Variants in ZFR2 observed in about 807,000 individuals in gnomAD.
ZFR2 encodes zinc finger RNA-binding protein 2.
ZFR2 carries 104 observed loss-of-function variants against 105.7 expected under a neutral mutation model. The ratio of observed to expected loss-of-function variants is 0.98; its 90% CI spans 0.84 to 1.16. The LOEUF is 1.16. ZFR2 is among the 50% of genes most tolerant of loss of function. The pLI, the probability that ZFR2 is intolerant of heterozygous loss-of-function variation, is 0.00. For synonymous variants in ZFR2, 634 were observed against 597.7 expected (o/e 1.06, Z -0.89); for missense variants, 1,425 against 1,355.5 (o/e 1.05, Z -0.80).
rs1000713917 is a variant in ZFR2 at position 3,838,864 on chromosome 19, G to A, written c.54-3881C>T. Among the ~76,000 whole-genome samples, 3 of 152,204 alleles carry A rather than the reference G, an allele frequency of 2.0e-5. No individual in the cohort carries two copies. The highest frequency in any genetic ancestry group is 7.2e-5 in the African/African-American group (3 of 41,460). On this transcript the variant is annotated intron_variant, in intron 1 of 18. Transcript: ENST00000262961. This position sits in a 1 kb window ranked among gnomAD's most constrained non-coding sequence, Gnocchi z 4.9. ...CCCGATGCCCTGAGATGCAGGACCAGCTGCAGCTGCCCAGCTGTCTCCCGG... is the reference window on the plus strand; with the variant it reads ...CCCGATGCCCTGAGATGCAGGACCAACTGCAGCTGCCCAGCTGTCTCCCGG...
At chr19:3,825,517 C>T (rs967414459) in intron 6 of ZFR2, 110 bp from the exon 7 acceptor site, 35 of 1,375,876 alleles carry the variant, frequency 2.5e-5, no homozygotes, top group African/African-American at 1.6e-4. Context: ...GTGGGCTGGC[C>T]GGTCCCAGGG....
Position 3,827,453 on chromosome 19 carries a change from G to C in ZFR2, c.1035+18C>G. 6.6e-7 allele frequency: 1 copy of C among 1,517,936 alleles called. No individual in the cohort carries two copies. The highest frequency in any genetic ancestry group is 2.5e-5 in the East Asian group (1 of 40,266). 94.0% of individuals were successfully genotyped at this position (1,517,936 alleles called of 1,614,324 possible). A position where few individuals can be genotyped will look rare whatever the true frequency, so the allele number is the denominator to read the frequency against. ...CTTCTCCCCAGGGTGGCAGAGCCTGGGCCGGGCGGGGCCGTACCTTCTGGT... is the reference window on the plus strand; with the variant it reads ...CTTCTCCCCAGGGTGGCAGAGCCTGCGCCGGGCGGGGCCGTACCTTCTGGT... On this transcript the variant is annotated intron_variant, in intron 6 of 18. Transcript: ENST00000262961.
chr19:3,865,070 G>A (rs2038414571), intron 1 of ZFR2, among the ~76,000 whole-genome samples: 1 of 152,050 alleles, frequency 6.6e-6, no homozygotes, highest in Admixed American at 6.6e-5. Context: ...CTAATTAAAA[G>A]CACTGCTGCA....
At chr19:3,847,986 T>C (rs1350819004) in intron 1 of ZFR2, among the ~76,000 whole-genome samples, 8 of 152,184 alleles carry the variant, frequency 5.3e-5, no homozygotes, top group Non-Finnish European at 1.2e-4. Flanking sequence ...GCCCTCTCTT[T>C]GGTTTTGTAC....
chr19:3,834,907 C>G lies in ZFR2; in HGVS notation c.130G>C (p.Ala44Pro), dbSNP rs1464280568. Residue 44 changes from alanine (A) to proline (P), a missense_variant, in exon 2 of 19, where the codon GCC becomes CCC. Physicochemically the swap from Ala to Pro is conservative, Grantham distance 27 (BLOSUM62 -1). Transcript: ENST00000262961. This position sits in a 1 kb window ranked among gnomAD's most constrained non-coding sequence, Gnocchi z 5.3. The stretch of plus-strand genomic sequence containing the variant: ...GCTGGGGGAAAGGCCGGGTTCACGG[C>G]AGGGTCCATCCCAGGAGTGGGTTGT... ...TAQPTPGMDP[A>P]VNPAFPPAAP... 2 of 1,611,766 alleles carry G rather than the reference C, an allele frequency of 1.2e-6. No individual in the cohort carries two copies. The highest frequency in any genetic ancestry group is 1.7e-6 in the Non-Finnish European group (2 of 1,179,160).
At chr19:3,815,124 C>A (rs2037811437) in intron 13 of ZFR2, among the ~76,000 whole-genome samples, 1 of 152,166 alleles carries the variant, frequency 6.6e-6, no homozygotes, top group Non-Finnish European at 1.5e-5. Flanking sequence ...GAGTCTTACT[C>A]TGTGGCCCAG....
At position 3,808,930 on chromosome 19, in the gene ZFR2, G is replaced by A. The variant is rs1343150243; in HGVS notation, c.2487C>T (p.Gly829=). The A allele has an allele frequency of 1.3e-6, 2 of 1,571,652 alleles. No homozygotes were observed. Among genetic ancestry groups the A allele is most frequent in the Admixed American group, 3.7e-5 (2 of 54,674 alleles). The change falls in exon 17 of 19, where the codon GGC becomes GGT. Residue 829 remains glycine, a synonymous_variant. Coordinates refer to ENST00000262961, the MANE Select transcript of ZFR2 (RefSeq NM_015174.2). ...KAVSSAAGPL[G]PGDAVRRVLE... Reference sequence around the variant, plus strand: ...GGACTCGCCTGACTGCATCCCCGGGGCCCAGGGGCCCAGCCGCACTGCTCA... The same window carrying A: ...GGACTCGCCTGACTGCATCCCCGGGACCCAGGGGCCCAGCCGCACTGCTCA...
intron 1 of ZFR2, among the ~76,000 whole-genome samples, chr19:3,854,520 C>T (rs1418739688): frequency 1.3e-5 from 2 of 152,178 alleles, no homozygotes; most frequent in Admixed American, 1.3e-4. Flanking sequence ...AACACATCAT[C>T]TCCGGACCAA....
Position 3,805,932 on chromosome 19 carries a change from TG to T in ZFR2, c.*16del. ...GTGCAGGGATGCAAAGGCCCGCAGG[TG>T]GGGGAGGTAGGCGGCTCACACGAGC... is the stretch of plus-strand genomic sequence containing the variant. On this transcript the variant is annotated 3_prime_UTR_variant, in exon 19 of 19. Coordinates refer to ENST00000262961, the MANE Select transcript of ZFR2 (RefSeq NM_015174.2). The T allele has an allele frequency of 1.3e-6, 2 of 1,518,698 alleles. No homozygotes were observed. The highest frequency in any genetic ancestry group is 8.8e-7 in the Non-Finnish European group (1 of 1,137,372). 94.1% of individuals were successfully genotyped at this position (1,518,698 alleles called of 1,614,324 possible).
intron 1 of ZFR2, among the ~76,000 whole-genome samples, chr19:3,837,528 CACCATG>C (rs367930459): frequency 1.5e-3 from 233 of 150,962 alleles, no homozygotes; most frequent in Non-Finnish European, 1.9e-3. Context: ...ACTCGATGAA[CACCATG>C]ACCGTGACAC....
intron 9 of ZFR2, 57 bp downstream of exon 9, chr19:3,822,024 C>A: frequency 6.6e-7 from 1 of 1,525,854 alleles, no homozygotes; most frequent in Non-Finnish European, 8.8e-7. Context: ...CCTCCCAGCG[C>A]CCGCCGGGCC....
chr19:3,807,128 G>T, intron 18 of ZFR2, 44 bp downstream of exon 18: 1 of 1,432,718 alleles, frequency 7.0e-7, no homozygotes, highest in Non-Finnish European at 9.6e-7. Flanking sequence ...GCAAGCCGGA[G>T]CTGGGGCCTG....
chr19:3,843,584 G>A (rs925986937), intron 1 of ZFR2, among the ~76,000 whole-genome samples: 37 of 152,016 alleles, frequency 2.4e-4, no homozygotes, highest in African/African-American at 7.2e-4. Flanking sequence ...TGTAATCCCA[G>A]CACTTTGGGA....
Position 3,813,728 on chromosome 19 carries a change from G to T in ZFR2, c.2242+92C>A. ...GCTGCTGTGGCATTTCCTGCTCAGG[G>T]CAGAGGCGGACGCTGCCCCAGGCCT... On this transcript the variant is annotated intron_variant, in intron 14 of 18. Transcript: ENST00000262961. This position sits in a 1 kb window ranked among gnomAD's most constrained non-coding sequence, Gnocchi z 4.4. 6.5e-7 allele frequency: 1 copy of T among 1,547,402 alleles called. No individual in the cohort carries two copies. The highest frequency in any genetic ancestry group is 8.8e-7 in the Non-Finnish European group (1 of 1,139,730).
At chr19:3,841,264 T>C (rs1176646266) in intron 1 of ZFR2, among the ~76,000 whole-genome samples, 3 of 152,202 alleles carry the variant, frequency 2.0e-5, no homozygotes, top group African/African-American at 7.2e-5. Flanking sequence ...CAACGGGTCT[T>C]GGAGAGGAGG....
intron 11 of ZFR2, 29 bp from the exon 12 acceptor site, chr19:3,819,264 G>A: frequency 6.7e-7 from 1 of 1,481,626 alleles, no homozygotes. Flanking sequence ...CGTGTCAAGG[G>A]TGGTCTGTGG....
chr19:3,831,005 G>A (rs1027680126), intron 5 of ZFR2, among the ~76,000 whole-genome samples: 31 of 150,664 alleles, frequency 2.1e-4, no homozygotes, highest in Non-Finnish European at 3.5e-4. Context: ...GCACACACAG[G>A]CACATGCAGG....
chr19:3,863,428 GTTTT>G (rs1384800189), intron 1 of ZFR2, among the ~76,000 whole-genome samples: 1 of 152,034 alleles, frequency 6.6e-6, no homozygotes, highest in African/African-American at 2.4e-5. Context: ...AGGGGCTCTT[GTTTT>G]TTTATTGTTT....
chr19:3,836,379 C>T (rs916561498), intron 1 of ZFR2, among the ~76,000 whole-genome samples: 2 of 152,142 alleles, frequency 1.3e-5, no homozygotes, highest in African/African-American at 4.8e-5. Context: ...GGTTGAAGTT[C>T]AGTGCTACGA....
Sources: gnomAD v4.1 joint callset for allele counts (sites outside exome capture counted in the v4.1 genomes callset) on GRCh38, gnomAD v4.1.1 for gene constraint, Gnocchi (gnomAD v3.1) non-coding constraint, MANE v1.5 for transcripts, NCBI Gene and HGNC (gene_info 2026-07-23, HGNC 2026-07-21) for gene names.